Variants in NOL4 observed in about 807,000 individuals in gnomAD.
The protein encoded by NOL4 is cancer/testis antigen 125.
In NOL4, 17 loss-of-function variants were observed where a neutral mutation model predicts 75.9. That is an observed-to-expected ratio of 0.22 (90% CI 0.15 to 0.34). The LOEUF (loss-of-function observed/expected upper bound fraction) is 0.34. Ranked by LOEUF, NOL4 falls within the 10% of genes least tolerant of loss-of-function variation. NOL4 has a pLI of 1.00. For missense variants in NOL4, 614 were observed against 793.5 expected (o/e 0.77, Z 2.72); for synonymous variants, 292 against 289.9 (o/e 1.01, Z -0.07).
rs1461589155 is a variant in NOL4 at position 33,851,397 on chromosome 18, G to A, written c.*1445C>T. 2.6e-5 allele frequency: 4 copies of A among 152,310 alleles called. No individual in the cohort carries two copies. Among genetic ancestry groups the A allele is most frequent in the Non-Finnish European group, 4.4e-5 (3 of 67,978 alleles). The allele number at this position is 152,310 out of a possible 1,614,324, so 9.4% of individuals were successfully genotyped here. On this transcript the variant is annotated 3_prime_UTR_variant, in exon 11 of 11. Transcript: ENST00000261592. ...AATGTCCACAGTTACAAGAAAAAGTGCACATTACTCGGTCACAATCACAGT... is the reference window on the plus strand; with the variant it reads ...AATGTCCACAGTTACAAGAAAAAGTACACATTACTCGGTCACAATCACAGT...
At chr18:34,184,365 C>T (rs1033742454) in intron 1 of NOL4, among the ~76,000 whole-genome samples, 15 of 151,842 alleles carry the variant, frequency 9.9e-5, no homozygotes, top group African/African-American at 3.6e-4. Flanking sequence ...GAATCAATTT[C>T]AAATTTAGTA....
chr18:33,918,982 TAG>T (rs1156622692), intron 9 of NOL4, among the ~76,000 whole-genome samples: 2 of 152,170 alleles, frequency 1.3e-5, no homozygotes, highest in African/African-American at 4.8e-5. Flanking sequence ...AATCTATATA[TAG>T]AGATTACTAA....
At chr18:33,919,212 C>G (rs1420991211) in intron 9 of NOL4, among the ~76,000 whole-genome samples, 4 of 152,248 alleles carry the variant, frequency 2.6e-5, no homozygotes, top group Non-Finnish European at 5.9e-5. Flanking sequence ...CAGCTCCCGG[C>G]ACTCTTAAGT....
At chr18:34,155,771 T>C (rs761668697) in intron 1 of NOL4, among the ~76,000 whole-genome samples, 12 of 152,080 alleles carry the variant, frequency 7.9e-5, no homozygotes, top group Non-Finnish European at 1.2e-4. Flanking sequence ...TAAGGAGTGT[T>C]TCCTATTGAA....
chr18:34,107,306 G>T (rs1302920996), intron 2 of NOL4, among the ~76,000 whole-genome samples: 1 of 152,056 alleles, frequency 6.6e-6, no homozygotes, highest in Non-Finnish European at 1.5e-5. Context: ...AAAAATGTTT[G>T]TGTTCATGTA....
chr18:34,016,047 G>C (rs1014502429), intron 6 of NOL4, among the ~76,000 whole-genome samples: 1 of 152,014 alleles, frequency 6.6e-6, no homozygotes. Context: ...ACATTAATGG[G>C]ATATAGAAAG....
chr18:34,031,344 AG>A (rs2075631197), intron 5 of NOL4, among the ~76,000 whole-genome samples: 1 of 152,216 alleles, frequency 6.6e-6, no homozygotes, highest in African/African-American at 2.4e-5. Flanking sequence ...ACAAAACAAA[AG>A]CAACAACTTT....
intron 1 of NOL4, among the ~76,000 whole-genome samples, chr18:34,155,397 T>C (rs1445555763): frequency 1.3e-5 from 2 of 151,940 alleles, no homozygotes; most frequent in Non-Finnish European, 2.9e-5. Flanking sequence ...ATTGGCTTAG[T>C]TGTGAATGCA....
chr18:33,938,499 T>C (rs185575246), intron 9 of NOL4, among the ~76,000 whole-genome samples: 11 of 152,284 alleles, frequency 7.2e-5, no homozygotes, highest in Admixed American at 5.9e-4. Flanking sequence ...TGGTATCTCA[T>C]TGTGGTTTTG....
chr18:34,084,131 C>T lies in NOL4; in HGVS notation c.772+9334G>A, dbSNP rs188179854. Among the ~76,000 whole-genome samples the T allele has an allele frequency of 2.5e-3, 383 of 152,304 alleles. 2 individuals carry two copies. The highest frequency in any genetic ancestry group is 8.6e-3 in the African/African-American group (359 of 41,580). On this transcript the variant is annotated intron_variant, in intron 5 of 10. Coordinates refer to ENST00000261592, the MANE Select transcript of NOL4 (RefSeq NM_003787.5). Reference sequence around the variant, plus strand: ...TCTGGAGAGTCCTGTTGGGAGGTCTCACACAGTCATGAGGAGCCAGATCAG... The same window carrying T: ...TCTGGAGAGTCCTGTTGGGAGGTCTTACACAGTCATGAGGAGCCAGATCAG...
intron 6 of NOL4, among the ~76,000 whole-genome samples, chr18:34,009,199 T>C (rs1299559136): frequency 2.0e-5 from 3 of 151,944 alleles, no homozygotes; most frequent in Admixed American, 6.6e-5. Flanking sequence ...ATCTATTTTA[T>C]GAGTGCATGT....
At chr18:34,222,233 GA>G in intron 1 of NOL4, 1 of 1,403,454 alleles carries the variant, frequency 7.1e-7, no homozygotes, top group Non-Finnish European at 9.2e-7. Context: ...AGCCACCCCA[GA>G]AAAAGGAACA....
chr18:34,120,888 T>C (rs1464402545), intron 2 of NOL4, among the ~76,000 whole-genome samples: 2 of 152,118 alleles, frequency 1.3e-5, no homozygotes, highest in African/African-American at 2.4e-5. Flanking sequence ...TCAGTATACA[T>C]TAGTAGACTG....
At chr18:33,958,113 G>A in intron 7 of NOL4, 126 bp downstream of exon 7, 1 of 927,102 alleles carries the variant, frequency 1.1e-6, no homozygotes, top group Admixed American at 2.6e-5. Context: ...AGTGTTTCAT[G>A]TACTTTTTAA....
At chr18:34,045,372 C>T (rs2076320249) in intron 5 of NOL4, among the ~76,000 whole-genome samples, 1 of 152,126 alleles carries the variant, frequency 6.6e-6, no homozygotes, top group African/African-American at 2.4e-5. Context: ...CCAGTTATTA[C>T]CCCTACCATT....
intron 6 of NOL4, among the ~76,000 whole-genome samples, chr18:34,016,999 T>C (rs1308734299): frequency 6.6e-6 from 1 of 152,098 alleles, no homozygotes; most frequent in Non-Finnish European, 1.5e-5. Flanking sequence ...GAATGGACAA[T>C]GATTCCCTAG....
At chr18:34,135,186 G>T (rs2080838231) in intron 1 of NOL4, among the ~76,000 whole-genome samples, 1 of 152,054 alleles carries the variant, frequency 6.6e-6, no homozygotes, top group Non-Finnish European at 1.5e-5. Flanking sequence ...GTAAAAAGAG[G>T]AGGGAAGACT....
intron 5 of NOL4, among the ~76,000 whole-genome samples, chr18:34,044,309 T>C (rs2076267687): frequency 6.6e-6 from 1 of 152,210 alleles, no homozygotes; most frequent in African/African-American, 2.4e-5. Flanking sequence ...TACTTTTATC[T>C]TTAACTAATT....
intron 5 of NOL4, among the ~76,000 whole-genome samples, chr18:34,025,206 A>AT (rs1568235758): frequency 6.6e-6 from 1 of 152,156 alleles, no homozygotes; most frequent in African/African-American, 2.4e-5. Flanking sequence ...GAATGGTCCC[A>AT]TTTTTTAAAA....
Sources: allele counts gnomAD v4.1 joint callset (sites outside exome capture counted in the v4.1 genomes callset), GRCh38; gene constraint gnomAD v4.1.1; transcripts MANE v1.5; gene names NCBI Gene and HGNC (gene_info 2026-07-23, HGNC 2026-07-21).